Variants in KALRN observed in about 807,000 individuals in gnomAD.
The protein encoded by KALRN is kalirin RhoGEF kinase.
KALRN carries 70 observed loss-of-function variants against 353.7 expected under a neutral mutation model. That is an observed-to-expected ratio of 0.20 (90% CI 0.16 to 0.24). The LOEUF (loss-of-function observed/expected upper bound fraction) is 0.24, where lower values mean the gene tolerates loss of function less well. KALRN is among the 10% of genes least tolerant of loss of function. KALRN has a pLI of 1.00. For synonymous variants in KALRN, 1,391 were observed against 1,434.8 expected (o/e 0.97, Z 0.69); for missense variants, 2,791 against 3,756.7 (o/e 0.74, Z 6.72).
At chr3:124,670,557 G>A (rs964836112) in intron 47 of KALRN, among the ~76,000 whole-genome samples, 1 of 152,198 alleles carries the variant, frequency 6.6e-6, no homozygotes, top group Non-Finnish European at 1.5e-5. Flanking sequence ...GAGACCTCAA[G>A]TAGAAAGGAA....
chr3:124,694,474 C>G lies in KALRN; in HGVS notation c.7548C>G (p.Asn2516Lys). 1 of 1,614,128 alleles carries G rather than the reference C, an allele frequency of 6.2e-7. No homozygotes were observed. Among genetic ancestry groups the G allele is most frequent in the Non-Finnish European group, 8.5e-7 (1 of 1,180,022 alleles). Residue 2516 changes from asparagine (N) to lysine (K), a missense_variant, in exon 53 of 60, where the codon AAC becomes AAG. Asn to Lys is a moderately conservative substitution (Grantham distance 94). Transcript: ENST00000682506. ...GPDQNILDTD[N>K]SSATYTVSSC... ...ACCAGAACATCCTTGACACTGATAA[C>G]AGCTCAGCCACATACACGGTCTCCT...
At chr3:124,553,023 C>T (rs2070743969) in intron 33 of KALRN, among the ~76,000 whole-genome samples, 1 of 152,198 alleles carries the variant, frequency 6.6e-6, no homozygotes, top group African/African-American at 2.4e-5. Flanking sequence ...ACCTCGGCCT[C>T]CTGATGTGCT....
intron 9 of KALRN, among the ~76,000 whole-genome samples, chr3:124,340,951 A>G (rs1053771390): frequency 3.9e-5 from 6 of 152,156 alleles, no homozygotes; most frequent in African/African-American, 1.4e-4. Context: ...GAGAGACTTC[A>G]TTTCAAAAAA....
rs143631761 is a variant in KALRN at position 124,242,765 on chromosome 3, G to C, written c.263+7822G>C. ...TGGCCAAGGCAACCATGGTGGCTGT[G>C]GATATGCAGGACAACAGGGGTGGTG... On this transcript the variant is annotated intron_variant, in intron 3 of 59. Transcript: ENST00000682506. Among the ~76,000 whole-genome samples, 53 of 152,252 alleles carry C rather than the reference G, an allele frequency of 3.5e-4. No individual in the cohort carries two copies. The East Asian group carries it at 0.01, about 29-fold the overall frequency.
chr3:124,382,648 C>A (rs1222110494), intron 10 of KALRN, among the ~76,000 whole-genome samples: 1 of 152,182 alleles, frequency 6.6e-6, no homozygotes, highest in Non-Finnish European at 1.5e-5. Flanking sequence ...CTCACTTTGA[C>A]TTTGCCACAA....
intron 15 of KALRN, among the ~76,000 whole-genome samples, chr3:124,426,344 C>G (rs1231239943): frequency 3.3e-5 from 5 of 151,330 alleles, no homozygotes; most frequent in Non-Finnish European, 5.9e-5. Context: ...AATATAGTCT[C>G]AAAAAAGAAA....
Position 124,271,625 on chromosome 3 carries a change from C to T in KALRN, c.969+2370C>T, listed in dbSNP as rs369625314. Among the ~76,000 whole-genome samples, 23 of 152,350 alleles carry T rather than the reference C, an allele frequency of 1.5e-4. No homozygotes were observed. In the South Asian group the frequency reaches 4.8e-3, roughly 32 times the overall value. Reference sequence around the variant, plus strand: ...AGCCAGGGCCAGTGTTTTAATCTGTCTCCAAAGCCCATCCAAGCTCTTATC... The same window carrying T: ...AGCCAGGGCCAGTGTTTTAATCTGTTTCCAAAGCCCATCCAAGCTCTTATC... On this transcript the variant is annotated intron_variant, in intron 5 of 59. Coordinates refer to ENST00000682506, the MANE Select transcript of KALRN (RefSeq NM_001388419.1).
At chr3:124,302,867 A>G (rs2149244915) in intron 6 of KALRN, among the ~76,000 whole-genome samples, 1 of 152,212 alleles carries the variant, frequency 6.6e-6, no homozygotes. Flanking sequence ...GTATGTCTTA[A>G]CCTCCTCTTT....
chr3:124,466,678 A>G (rs2060377717), intron 25 of KALRN, among the ~76,000 whole-genome samples: 1 of 152,034 alleles, frequency 6.6e-6, no homozygotes, highest in African/African-American at 2.4e-5. Flanking sequence ...ATCAAGTACA[A>G]CCCTCTCCAT....
intron 1 of KALRN, among the ~76,000 whole-genome samples, chr3:124,161,467 A>T (rs1478136105): frequency 6.6e-6 from 1 of 151,924 alleles, no homozygotes; most frequent in East Asian, 1.9e-4. Flanking sequence ...CTCCCCCTCT[A>T]CCCCTGCCTT....
chr3:124,147,269 T>A (rs1025282260), intron 1 of KALRN, among the ~76,000 whole-genome samples: 2 of 152,130 alleles, frequency 1.3e-5, no homozygotes, highest in Admixed American at 6.5e-5. Context: ...CATCCAGACA[T>A]TCCAGAATAC....
intron 1 of KALRN, among the ~76,000 whole-genome samples, chr3:124,115,952 A>T (rs2149543150): frequency 6.6e-6 from 1 of 152,348 alleles, no homozygotes; most frequent in Admixed American, 6.5e-5. Flanking sequence ...GATAAGATCT[A>T]TTTATCAGTG....
intron 1 of KALRN, among the ~76,000 whole-genome samples, chr3:124,124,207 A>G (rs1011872525): frequency 6.6e-6 from 1 of 152,228 alleles, no homozygotes; most frequent in African/African-American, 2.4e-5. Context: ...ATCAACATTA[A>G]TGGGAGTTTG....
At chr3:124,184,077 CA>C (rs138486709) in intron 1 of KALRN, among the ~76,000 whole-genome samples, 42 of 152,262 alleles carry the variant, frequency 2.8e-4, no homozygotes, top group Admixed American at 3.9e-4. Context: ...GTGGAGTTCT[CA>C]GAAAAGGAAG....
At chr3:124,395,580 A>T (rs1270536647) in intron 12 of KALRN, 1 of 506,370 alleles carries the variant, frequency 2.0e-6, no homozygotes, top group African/African-American at 1.9e-5. Flanking sequence ...TTATTCAGCC[A>T]TCAGTAAGTA....
intron 1 of KALRN, among the ~76,000 whole-genome samples, chr3:124,130,784 G>A (rs1311744880): frequency 1.3e-5 from 2 of 152,128 alleles, no homozygotes; most frequent in Admixed American, 1.3e-4. Context: ...CAACGCCACA[G>A]AATGTTATAC....
intron 3 of KALRN, among the ~76,000 whole-genome samples, chr3:124,243,792 A>G (rs946899956): frequency 6.6e-6 from 1 of 152,126 alleles, no homozygotes; most frequent in Non-Finnish European, 1.5e-5. Context: ...ACCAAACACA[A>G]TGGTAGTGAG....
intron 1 of KALRN, among the ~76,000 whole-genome samples, chr3:124,073,782 CAT>C (rs1332982775): frequency 1.3e-5 from 2 of 152,128 alleles, no homozygotes; most frequent in Non-Finnish European, 2.9e-5. Context: ...TCACTCAACT[CAT>C]AATTAGGAGG....
At chr3:124,261,979 A>G (rs1015484866) in intron 3 of KALRN, among the ~76,000 whole-genome samples, 4 of 152,220 alleles carry the variant, frequency 2.6e-5, no homozygotes, top group African/African-American at 9.6e-5. Flanking sequence ...TACAGGCCAA[A>G]AAGCAATAAC....
Sources: allele counts gnomAD v4.1 joint callset (sites outside exome capture counted in the v4.1 genomes callset), GRCh38; gene constraint gnomAD v4.1.1; transcripts MANE v1.5; gene names NCBI Gene and HGNC (gene_info 2026-07-23, HGNC 2026-07-21).